The following PLEKHA3 variants were observed in gnomAD, a reference collection of about 807,000 sequenced individuals.
PLEKHA3 encodes the protein pleckstrin homology domain containing A3.
PLEKHA3 carries 19 observed loss-of-function variants against 39.2 expected under a neutral mutation model. That is an observed-to-expected ratio of 0.48 (90% confidence interval 0.34 to 0.71). The LOEUF is 0.71. PLEKHA3 is among the 30% of genes least tolerant of loss of function. PLEKHA3 has a pLI of 0.01. For missense variants in PLEKHA3, 253 were observed against 359.5 expected (o/e 0.70, Z 2.40); for synonymous variants, 97 against 118.6 (o/e 0.82, Z 1.18).
intron 1 of PLEKHA3, among the ~76,000 whole-genome samples, chr2:178,485,029 C>G (rs138888637): frequency 6.6e-6 from 1 of 152,316 alleles, no homozygotes; most frequent in East Asian, 1.9e-4. Flanking sequence ...ATTTAAGAGA[C>G]TGGAATTCAT....
intron 7 of PLEKHA3, among the ~76,000 whole-genome samples, chr2:178,502,734 G>A (rs1685543284): frequency 1.3e-5 from 2 of 151,360 alleles, no homozygotes; most frequent in Non-Finnish European, 1.5e-5. Context: ...AGGTGTACAT[G>A]CTCTATTATA....
chr2:178,489,044 A>G (rs1685302990), intron 2 of PLEKHA3: 1 of 424,936 alleles, frequency 2.4e-6, no homozygotes. Flanking sequence ...ATCTTATTTT[A>G]GTTTCATCTT....
rs1240355649 is a variant in PLEKHA3 at position 178,505,800 on chromosome 2, A to G, written c.*1913A>G. 1.3e-5 allele frequency: 2 copies of G among 152,010 alleles called. No individual in the cohort carries two copies. Among genetic ancestry groups the G allele is most frequent in the Non-Finnish European group, 2.9e-5 (2 of 67,944 alleles). The allele number at this position is 152,010 out of a possible 1,614,324, so 9.4% of individuals were successfully genotyped here. On this transcript the variant is annotated 3_prime_UTR_variant, in exon 8 of 8. Coordinates refer to ENST00000234453, the MANE Select transcript of PLEKHA3 (RefSeq NM_019091.4). ...GTGAATATTTTAAAAATACAATGCA[A>G]TTATTTCTGGTTTGTATCATTTTTT... is the stretch of plus-strand genomic sequence containing the variant.
intron 1 of PLEKHA3, 85 bp downstream of exon 1, chr2:178,480,994 GCCT>G (rs1685153510): frequency 8.2e-7 from 1 of 1,215,424 alleles, no homozygotes; most frequent in Admixed American, 3.1e-5. Flanking sequence ...CCTCCGTCTG[GCCT>G]CCGCGGACCC....
Position 178,489,557 on chromosome 2 carries a change from G to A in PLEKHA3, c.158-1102G>A, listed in dbSNP as rs368266203. Among the ~76,000 whole-genome samples the A allele has an allele frequency of 7.4e-4, 109 of 146,890 alleles. No individual in the cohort carries two copies. In the East Asian group the frequency reaches 0.022, roughly 29 times the overall value. ...ACTGCAGCCTGTACTGGGCTCCAGCGATCCTCTTGCCTCAGCCTTCCGCCT... is the reference window on the plus strand; with the variant it reads ...ACTGCAGCCTGTACTGGGCTCCAGCAATCCTCTTGCCTCAGCCTTCCGCCT... On this transcript the variant is annotated intron_variant, in intron 2 of 7. Transcript: ENST00000234453.
chr2:178,499,139 A>G, intron 5 of PLEKHA3, 72 bp from the exon 6 acceptor site: 2 of 1,407,448 alleles, frequency 1.4e-6, no homozygotes, highest in Non-Finnish European at 2.0e-6. Context: ...TGATAATAGT[A>G]AATTAGAGCT....
At chr2:178,496,848 C>A (rs989673825) in intron 5 of PLEKHA3, among the ~76,000 whole-genome samples, 4 of 152,112 alleles carry the variant, frequency 2.6e-5, no homozygotes. Context: ...CAGGTGCACA[C>A]CACGGTGCCT....
intron 3 of PLEKHA3, among the ~76,000 whole-genome samples, chr2:178,491,157 CCTG>C (rs1685337267): frequency 6.6e-6 from 1 of 151,744 alleles, no homozygotes; most frequent in Non-Finnish European, 1.5e-5. Flanking sequence ...ATTACAGGTG[CCTG>C]CTACCATGCC....
At chr2:178,482,464 G>C (rs998266619) in intron 1 of PLEKHA3, among the ~76,000 whole-genome samples, 5 of 150,432 alleles carry the variant, frequency 3.3e-5, no homozygotes, top group African/African-American at 9.8e-5. Context: ...GCTTTAGCTA[G>C]AGAAATGGAG....
At position 178,496,430 on chromosome 2, in the gene PLEKHA3, T is replaced by C. The variant is rs369322121; in HGVS notation, c.615+770T>C. 1.1e-4 allele frequency among the ~76,000 whole-genome samples: 16 copies of C among 152,346 alleles called. No individual in the cohort carries two copies. In the South Asian group the frequency reaches 3.3e-3, roughly 32 times the overall value. On this transcript the variant is annotated intron_variant, in intron 5 of 7. Transcript: ENST00000234453. ...GTAAGAATGCCACCTTGTTGCTGTT[T>C]CAGCAATTACCTGAAGATCTATTTG... is the stretch of plus-strand genomic sequence containing the variant.
In PLEKHA3 at chr2:178,491,010, C is replaced by CTTTTTTTTTTTTTTTTTTTT. The variant is rs1204723389; in HGVS notation, c.313+214_313+215insTTTTTTTTTTTTTTTTTTTT. On this transcript the variant is annotated intron_variant, in intron 3 of 7. Transcript: ENST00000234453. ...GAATGGCTCAATAAACTCTTTCTTT[C>CTTTTTTTTTTTTTTTTTTTT]TTTTTTTTTTTTTTTTTTGAGATGG... 2.3e-4 allele frequency among the ~76,000 whole-genome samples: 30 copies of CTTTTTTTTTTTTTTTTTTTT among 129,534 alleles called. 1 individual carries two copies. Among genetic ancestry groups the CTTTTTTTTTTTTTTTTTTTT allele is most frequent in the African/African-American group, 6.7e-4 (23 of 34,162 alleles). The allele number at this position is 129,534 out of a possible 152,430, so 85.0% of individuals were successfully genotyped here. A position where few individuals can be genotyped will look rare whatever the true frequency, so the allele number is the denominator to read the frequency against.
In PLEKHA3 at chr2:178,502,811, C is replaced by T. The variant is rs112498925; in HGVS notation, c.776-949C>T. ...CTAGTCTCACACACACACACACGCA[C>T]GCACACACACACACGCGCATACATA... On this transcript the variant is annotated intron_variant, in intron 7 of 7. Transcript: ENST00000234453. 1.0e-2 allele frequency among the ~76,000 whole-genome samples: 1,187 copies of T among 119,030 alleles called. 7 individuals carry two copies. Among genetic ancestry groups the T allele is most frequent in the South Asian group, 0.013 (47 of 3,562 alleles). 78.1% of individuals were successfully genotyped at this position (119,030 alleles called of 152,430 possible). A position where few individuals can be genotyped will look rare whatever the true frequency, so the allele number is the denominator to read the frequency against.
rs1173117062 is a variant in PLEKHA3 at position 178,513,241 on chromosome 2, G to A, written c.*9354G>A. ...GACGGGGTTTTACCGTGTTGGTCAG[G>A]CTGGTCTCGAATGCCTGACCTTGTG... On this transcript the variant is annotated 3_prime_UTR_variant, in exon 8 of 8. Coordinates refer to ENST00000234453, the MANE Select transcript of PLEKHA3 (RefSeq NM_019091.4). 1 of 152,220 alleles carries A rather than the reference G, an allele frequency of 6.6e-6. No homozygotes were observed. The highest frequency in any genetic ancestry group is 1.5e-5 in the Non-Finnish European group (1 of 68,066). The allele number at this position is 152,220 out of a possible 1,614,324, so 9.4% of individuals were successfully genotyped here.
intron 2 of PLEKHA3, chr2:178,489,095 A>C: frequency 2.7e-6 from 1 of 370,274 alleles, no homozygotes; most frequent in South Asian, 2.2e-5. Context: ...CTTTCTTTTA[A>C]AGTAGGTATT....
intron 6 of PLEKHA3, 124 bp downstream of exon 6, chr2:178,499,378 GCATT>G (rs1685495281): frequency 2.5e-6 from 2 of 816,252 alleles, no homozygotes; most frequent in Middle Eastern, 4.7e-4. Context: ...TTCAAAACCA[GCATT>G]TTATCTCTCA....
Position 178,504,039 on chromosome 2 carries a change from TG to T in PLEKHA3, c.*153del. On this transcript the variant is annotated 3_prime_UTR_variant, in exon 8 of 8. Coordinates refer to ENST00000234453, the MANE Select transcript of PLEKHA3 (RefSeq NM_019091.4). ...AACAAGAAAACAAACCACATACTTTTGAAGTGTATTTTATCTTTATATAGTT... is the reference window on the plus strand; with the variant it reads ...AACAAGAAAACAAACCACATACTTTTAAGTGTATTTTATCTTTATATAGTT... The T allele has an allele frequency of 1.3e-6, 1 of 745,618 alleles. No homozygotes were observed. Among genetic ancestry groups the T allele is most frequent in the African/African-American group, 1.8e-5 (1 of 56,548 alleles). The allele number at this position is 745,618 out of a possible 1,614,324, so 46.2% of individuals were successfully genotyped here.
At chr2:178,500,555 G>T (rs1340136886) in intron 6 of PLEKHA3, among the ~76,000 whole-genome samples, 3 of 152,054 alleles carry the variant, frequency 2.0e-5, no homozygotes, top group African/African-American at 7.2e-5. Context: ...GTGGTGATTT[G>T]CTTCTCTGTT....
chr2:178,492,662 T>C (rs1441004439), intron 3 of PLEKHA3, among the ~76,000 whole-genome samples: 1 of 150,682 alleles, frequency 6.6e-6, no homozygotes, highest in Admixed American at 6.6e-5. Flanking sequence ...CAGAAGGACA[T>C]ATAGTCTATG....
rs1321145118 is a variant in PLEKHA3, at chr2:178,480,523, A to G, written c.-347A>G. Reference sequence around the variant, plus strand: ...CGGGGAGCCCAGGGGGAAGGAAGGCAGGCGAGGAAGAGGCAGCGCCGGGGC... The same window carrying G: ...CGGGGAGCCCAGGGGGAAGGAAGGCGGGCGAGGAAGAGGCAGCGCCGGGGC... On this transcript the variant is annotated 5_prime_UTR_variant, in exon 1 of 8. Coordinates refer to ENST00000234453, the MANE Select transcript of PLEKHA3 (RefSeq NM_019091.4). 2.1e-5 allele frequency: 4 copies of G among 190,502 alleles called. No homozygotes were observed. The highest frequency in any genetic ancestry group is 4.3e-5 in the Non-Finnish European group (4 of 93,350). The allele number at this position is 190,502 out of a possible 1,614,324, so 11.8% of individuals were successfully genotyped here.
Sources: allele counts gnomAD v4.1 joint callset (sites outside exome capture counted in the v4.1 genomes callset), GRCh38; gene constraint gnomAD v4.1.1; transcripts MANE v1.5; gene names NCBI Gene and HGNC (gene_info 2026-07-23, HGNC 2026-07-21).